The following PAPSS1 variants were observed in gnomAD, a reference collection of about 807,000 sequenced individuals.
The protein encoded by PAPSS1 is 3'-phosphoadenosine 5'-phosphosulfate synthase 1.
PAPSS1 carries 50 observed loss-of-function variants against 72.0 expected under a neutral mutation model. The ratio of observed to expected loss-of-function variants is 0.69; its 90% CI spans 0.55 to 0.88. The LOEUF is 0.88. PAPSS1 is among the 40% of genes least tolerant of loss of function. The pLI is 0.00. For synonymous variants in PAPSS1, 261 were observed against 263.6 expected, an observed-to-expected ratio of 0.99 and a Z score of 0.09; for missense variants, 657 against 782.2, an observed-to-expected ratio of 0.84 and a Z score of 1.91.
At chr4:107,719,895 G>C in intron 1 of PAPSS1, 2 of 1,357,826 alleles carry the variant, frequency 1.5e-6, no homozygotes, top group East Asian at 3.1e-5. Flanking sequence ...CGGTGGCTCG[G>C]ACCGCACGCT....
intron 11 of PAPSS1, among the ~76,000 whole-genome samples, chr4:107,614,907 T>C (rs1725779307): frequency 6.6e-6 from 1 of 152,016 alleles, no homozygotes. Context: ...TTTATAGTCA[T>C]ACCTGCATTG....
intron 10 of PAPSS1, among the ~76,000 whole-genome samples, chr4:107,643,568 G>A (rs1028842863): frequency 3.3e-5 from 5 of 151,976 alleles, no homozygotes; most frequent in Middle Eastern, 3.2e-3. Flanking sequence ...TTCCTGAACC[G>A]CACCTCACTC....
At chr4:107,694,097 T>C (rs2125933679) in intron 2 of PAPSS1, 91 bp from the exon 3 acceptor site, 2 of 906,054 alleles carry the variant, frequency 2.2e-6, no homozygotes, top group Non-Finnish European at 1.7e-6. Flanking sequence ...ACAAGAGTCT[T>C]GCTCTGCCAC....
chr4:107,655,104 T>C (rs1302270030), intron 7 of PAPSS1, among the ~76,000 whole-genome samples: 1 of 112,548 alleles, frequency 8.9e-6, no homozygotes, highest in Non-Finnish European at 2.0e-5. Context: ...ATCTCCCAAG[T>C]TAAAAAAAAA....
intron 11 of PAPSS1, among the ~76,000 whole-genome samples, chr4:107,626,070 C>T (rs758125072): frequency 6.6e-6 from 1 of 150,840 alleles, no homozygotes; most frequent in Admixed American, 6.6e-5. Context: ...CCCAGCTACT[C>T]GAGAGGCTGA....
At chr4:107,649,734 C>G (rs534387791) in intron 9 of PAPSS1, among the ~76,000 whole-genome samples, 1 of 152,322 alleles carries the variant, frequency 6.6e-6, no homozygotes, top group South Asian at 2.1e-4. Flanking sequence ...GTTTGTAATT[C>G]AGCAACGCTA....
chr4:107,614,517 T>C lies in PAPSS1; in HGVS notation c.1737-130A>G, dbSNP rs764218687. On this transcript the variant is annotated intron_variant, in intron 11 of 11. Coordinates refer to ENST00000265174, the MANE Select transcript of PAPSS1 (RefSeq NM_005443.5). Reference sequence around the variant, plus strand: ...AAATACTGAACATAGTACTTGTGAATATAAATCTCATTTCAAATTTGTCAC... The same window carrying C: ...AAATACTGAACATAGTACTTGTGAACATAAATCTCATTTCAAATTTGTCAC... The C allele has an allele frequency of 1.3e-4, 80 of 614,390 alleles. No individual in the cohort carries two copies. The Middle Eastern group carries it at 2.3e-3, about 17-fold the overall frequency. The allele number at this position is 614,390 out of a possible 1,614,324, so 38.1% of individuals were successfully genotyped here.
At chr4:107,707,882 T>C (rs1368115477) in intron 1 of PAPSS1, among the ~76,000 whole-genome samples, 1 of 152,186 alleles carries the variant, frequency 6.6e-6, no homozygotes, top group Non-Finnish European at 1.5e-5. Context: ...GAATTAAATT[T>C]CTATACAAAT....
chr4:107,618,655 G>A (rs4956018), intron 11 of PAPSS1, among the ~76,000 whole-genome samples: 29,959 of 151,962 alleles, frequency 0.2, 3,318 homozygotes, highest in East Asian at 0.37. Flanking sequence ...AATGCAAAAT[G>A]GTCTTAATTT....
At chr4:107,629,888 C>T (rs1301898336) in intron 11 of PAPSS1, among the ~76,000 whole-genome samples, 1 of 152,188 alleles carries the variant, frequency 6.6e-6, no homozygotes, top group Non-Finnish European at 1.5e-5. Flanking sequence ...GAGTCCCTCT[C>T]CACCATGGCA....
intron 1 of PAPSS1, among the ~76,000 whole-genome samples, chr4:107,705,118 T>C (rs1261191807): frequency 2.6e-5 from 4 of 152,234 alleles, no homozygotes; most frequent in African/African-American, 9.6e-5. Context: ...CCTGTGATTT[T>C]CTTTTCTTCT....
intron 5 of PAPSS1, among the ~76,000 whole-genome samples, chr4:107,677,428 T>A (rs1397727950): frequency 6.6e-6 from 1 of 152,020 alleles, no homozygotes; most frequent in African/African-American, 2.4e-5. Context: ...AAAAGACACA[T>A]GAAAAAATGC....
intron 1 of PAPSS1, among the ~76,000 whole-genome samples, chr4:107,716,595 T>G (rs1240261704): frequency 6.6e-6 from 1 of 152,184 alleles, no homozygotes; most frequent in African/African-American, 2.4e-5. Context: ...CTGAACTGAG[T>G]GTCCCAAATT....
intron 9 of PAPSS1, among the ~76,000 whole-genome samples, chr4:107,653,060 AAT>A (rs920413492): frequency 4.7e-5 from 7 of 148,196 alleles, no homozygotes; most frequent in Admixed American, 1.3e-4. Flanking sequence ...TATATATATG[AAT>A]ATATATATGA....
chr4:107,677,164 C>T (rs1382178284), intron 5 of PAPSS1, among the ~76,000 whole-genome samples: 3 of 151,770 alleles, frequency 2.0e-5, no homozygotes, highest in Admixed American at 6.6e-5. Flanking sequence ...GCAATGGCAA[C>T]AAAAGCCAAA....
intron 11 of PAPSS1, among the ~76,000 whole-genome samples, chr4:107,624,833 A>G (rs922026625): frequency 1.3e-5 from 2 of 152,206 alleles, no homozygotes; most frequent in African/African-American, 4.8e-5. Flanking sequence ...ATCAAAATTA[A>G]TAAAAACAAG....
At chr4:107,673,110 A>G (rs4345252) in intron 5 of PAPSS1, among the ~76,000 whole-genome samples, 56,724 of 152,010 alleles carry the variant, frequency 0.37, 11,186 homozygotes, top group South Asian at 0.55. Flanking sequence ...AAAGATGGGG[A>G]AAAAACAGAG....
chr4:107,654,418 A>G (rs555116414), intron 8 of PAPSS1, among the ~76,000 whole-genome samples: 34 of 152,288 alleles, frequency 2.2e-4, no homozygotes, highest in Admixed American at 2.0e-3. Flanking sequence ...GAGCTGAAAC[A>G]CTGTGCCGGT....
chr4:107,654,717 C>T lies in PAPSS1; in HGVS notation c.1079G>A (p.Cys360Tyr), dbSNP rs1486284432. Residue 360 changes from cysteine to tyrosine, a missense_variant, in exon 8 of 12, where the codon TGC becomes TAC. This residue lies in a region of PAPSS1 where 190 missense variants were observed against 176.7 expected (regional missense o/e 1.07). Coordinates refer to ENST00000265174, the MANE Select transcript of PAPSS1 (RefSeq NM_005443.5). ...ERCARQWGTT[C>Y]KNHPYIKMVM... ...CACCTTAATATAGGGGTGGTTCTTG[C>T]ATGTCGTTCCCCACTGTCTGGCACA... 3.1e-6 allele frequency: 5 copies of T among 1,612,966 alleles called. No individual in the cohort carries two copies. In the South Asian group the frequency reaches 3.3e-5, roughly 11 times the overall value.
Sources: gnomAD v4.1 joint callset for allele counts (sites outside exome capture counted in the v4.1 genomes callset) on GRCh38, gnomAD v4.1.1 for gene constraint, gnomAD v4.1.1 regional missense constraint, MANE v1.5 for transcripts, NCBI Gene and HGNC (gene_info 2026-07-23, HGNC 2026-07-21) for gene names.